The following SEMA3C variants were observed in gnomAD, a reference collection of about 807,000 sequenced individuals.
SEMA3C encodes semaphorin-3C.
SEMA3C carries 47 observed loss-of-function variants against 89.4 expected under a neutral mutation model. The ratio of observed to expected loss-of-function variants is 0.53; its 90% CI spans 0.42 to 0.67. The LOEUF (loss-of-function observed/expected upper bound fraction) is 0.67, where lower values mean the gene tolerates loss of function less well. SEMA3C is among the 30% of genes least tolerant of loss of function. SEMA3C has a pLI of 0.00. For synonymous variants in SEMA3C, 310 were observed against 320.2 expected, an observed-to-expected ratio of 0.97 and a Z score of 0.34; for missense variants, 839 against 929.1, an observed-to-expected ratio of 0.90 and a Z score of 1.26.
intron 2 of SEMA3C, among the ~76,000 whole-genome samples, chr7:80,885,751 TTA>T (rs1430332718): frequency 2.2e-5 from 3 of 133,454 alleles, no homozygotes; most frequent in Admixed American, 2.2e-4. Flanking sequence ...TGATGTAAAT[TTA>T]TATTTAAAAT....
intron 5 of SEMA3C, chr7:80,815,882 TCTGATGAAATCA>T (rs1177753926): frequency 2.0e-5 from 3 of 152,162 alleles, no homozygotes; most frequent in Admixed American, 6.5e-5. Flanking sequence ...TATGAAAACA[TCTGATGAAATCA>T]AAGATAAGAT....
At chr7:80,866,094 T>A (rs899895708) in intron 2 of SEMA3C, among the ~76,000 whole-genome samples, 5 of 152,202 alleles carry the variant, frequency 3.3e-5, no homozygotes, top group African/African-American at 1.2e-4. Flanking sequence ...ACTTGTCTTA[T>A]TAGAGCAGGA....
At chr7:80,906,488 T>C (rs1156545062) in intron 2 of SEMA3C, among the ~76,000 whole-genome samples, 1 of 151,938 alleles carries the variant, frequency 6.6e-6, no homozygotes, top group Non-Finnish European at 1.5e-5. Flanking sequence ...CACCATTTCA[T>C]GAATAATTCC....
chr7:80,893,219 T>C (rs755537616), intron 2 of SEMA3C, among the ~76,000 whole-genome samples: 6 of 152,196 alleles, frequency 3.9e-5, no homozygotes, highest in Non-Finnish European at 8.8e-5. Flanking sequence ...CAGGGCAACT[T>C]GTCTCATCGT....
chr7:80,802,276 G>A (rs910749483), intron 9 of SEMA3C, among the ~76,000 whole-genome samples: 17 of 151,896 alleles, frequency 1.1e-4, no homozygotes, highest in African/African-American at 4.1e-4. Flanking sequence ...CTGTCCATTA[G>A]CTACAATAGT....
intron 2 of SEMA3C, among the ~76,000 whole-genome samples, chr7:80,835,400 T>A (rs1790103311): frequency 6.6e-6 from 1 of 152,266 alleles, no homozygotes; most frequent in Admixed American, 6.5e-5. Context: ...AGAATGCACA[T>A]CTACAGATTT....
chr7:80,912,104 C>T (rs1224430235), intron 2 of SEMA3C, among the ~76,000 whole-genome samples: 1 of 152,110 alleles, frequency 6.6e-6, no homozygotes, highest in African/African-American at 2.4e-5. Context: ...CAGAATCAAG[C>T]TTATTATAAT....
chr7:80,826,610 G>A (rs993840163), intron 4 of SEMA3C, among the ~76,000 whole-genome samples: 42 of 152,170 alleles, frequency 2.8e-4, no homozygotes, highest in African/African-American at 9.1e-4. Flanking sequence ...AGCAAATAAT[G>A]GAAGGAATGA....
chr7:80,876,254 A>C (rs554246823), intron 2 of SEMA3C, among the ~76,000 whole-genome samples: 2 of 152,176 alleles, frequency 1.3e-5, no homozygotes, highest in Non-Finnish European at 2.9e-5. Flanking sequence ...AAGCTCCATA[A>C]TAAGTGTATT....
chr7:80,802,573 T>C, intron 9 of SEMA3C, 92 bp downstream of exon 9: 1 of 724,762 alleles, frequency 1.4e-6, no homozygotes, highest in Admixed American at 2.6e-5. Context: ...GCTGAAAATA[T>C]GGAAAGTACA....
intron 2 of SEMA3C, among the ~76,000 whole-genome samples, chr7:80,891,560 A>G (rs756994159): frequency 1.3e-5 from 2 of 152,152 alleles, no homozygotes; most frequent in Non-Finnish European, 2.9e-5. Context: ...GAAGACATAC[A>G]TGCCCTTTCT....
intron 7 of SEMA3C, among the ~76,000 whole-genome samples, chr7:80,804,588 T>C (rs1247407360): frequency 6.6e-6 from 1 of 152,128 alleles, no homozygotes; most frequent in Non-Finnish European, 1.5e-5. Flanking sequence ...ATCTAGCACA[T>C]ATAAACTCAA....
At chr7:80,758,569 C>T in intron 14 of SEMA3C, 81 bp from the exon 15 acceptor site, 1 of 1,320,050 alleles carries the variant, frequency 7.6e-7, no homozygotes, top group Non-Finnish European at 1.1e-6. Flanking sequence ...ATAATATATG[C>T]CCACAAACCC....
intron 3 of SEMA3C, among the ~76,000 whole-genome samples, chr7:80,827,914 GC>G (rs1789913816): frequency 6.6e-6 from 1 of 152,018 alleles, no homozygotes; most frequent in Admixed American, 6.6e-5. Context: ...CATAAGATGG[GC>G]CCCTGGGTAC....
chr7:80,782,947 AT>A (rs1232343256), intron 12 of SEMA3C, among the ~76,000 whole-genome samples: 5 of 152,170 alleles, frequency 3.3e-5, no homozygotes, highest in African/African-American at 1.2e-4. Flanking sequence ...CTGTAAATAT[AT>A]ATTTATTTGC....
At chr7:80,780,984 A>C (rs1297917407) in intron 12 of SEMA3C, among the ~76,000 whole-genome samples, 3 of 152,214 alleles carry the variant, frequency 2.0e-5, no homozygotes, top group Non-Finnish European at 4.4e-5. Context: ...TCCTTTCTGC[A>C]TGCTTTAGGG....
At chr7:80,893,536 T>C (rs1391137558) in intron 2 of SEMA3C, among the ~76,000 whole-genome samples, 1 of 152,140 alleles carries the variant, frequency 6.6e-6, no homozygotes, top group Admixed American at 6.5e-5. Flanking sequence ...CATCTCCTTA[T>C]GGGATTGTAA....
rs368085637 is a variant in SEMA3C at position 80,795,321 on chromosome 7, G to A, written c.1131+2771C>T. Among the ~76,000 whole-genome samples the A allele has an allele frequency of 1.7e-3, 261 of 152,258 alleles. 2 individuals carry two copies. The highest frequency in any genetic ancestry group is 5.7e-3 in the African/African-American group (237 of 41,560). ...TCAGGGAGGTACGCTTTTCCAGGAGGAGTTCCAAAGGTCACTCCTACCCTG... is the reference window on the plus strand; with the variant it reads ...TCAGGGAGGTACGCTTTTCCAGGAGAAGTTCCAAAGGTCACTCCTACCCTG... On this transcript the variant is annotated intron_variant, in intron 11 of 17. Transcript: ENST00000265361.
At chr7:80,751,835 G>C (rs1787943554) in intron 15 of SEMA3C, among the ~76,000 whole-genome samples, 1 of 151,952 alleles carries the variant, frequency 6.6e-6, no homozygotes, top group Non-Finnish European at 1.5e-5. Flanking sequence ...ATAAAAATAG[G>C]GACATTTAAT....
Sources: allele counts gnomAD v4.1 joint callset (sites outside exome capture counted in the v4.1 genomes callset), GRCh38; gene constraint gnomAD v4.1.1; transcripts MANE v1.5; gene names NCBI Gene and HGNC (gene_info 2026-07-23, HGNC 2026-07-21).